Variants in ODF2L observed in about 807,000 individuals in gnomAD.
ODF2L encodes the protein protein BCAP.
ODF2L carries 76 observed loss-of-function variants against 86.3 expected under a neutral mutation model. That is an observed-to-expected ratio of 0.88 (90% CI 0.73 to 1.07). The LOEUF (loss-of-function observed/expected upper bound fraction) is 1.07. ODF2L is among the 50% of genes least tolerant of loss of function. The probability of loss-of-function intolerance (pLI) is 0.00; values close to 1 mark genes in which losing one functional copy is unlikely to be tolerated. For missense variants in ODF2L, 748 were observed against 717.4 expected, an observed-to-expected ratio of 1.04 and a Z score of -0.49; for synonymous variants, 241 against 231.3, an observed-to-expected ratio of 1.04 and a Z score of -0.38.
chr1:86,375,165 T>G (rs1197816647), intron 8 of ODF2L, among the ~76,000 whole-genome samples: 1 of 151,898 alleles, frequency 6.6e-6, no homozygotes, highest in African/African-American at 2.4e-5. Context: ...GATACCTGAA[T>G]GATTAAAAAA....
chr1:86,348,985 T>G (rs1161915806), downstream of ODF2L: 5 of 1,214,618 alleles, frequency 4.1e-6, no homozygotes, highest in Admixed American at 1.1e-4. Context: ...TAATTCTTTT[T>G]GATTTTTTAA....
At chr1:86,390,145 G>A (rs574604442) in intron 1 of ODF2L, among the ~76,000 whole-genome samples, 12 of 152,214 alleles carry the variant, frequency 7.9e-5, no homozygotes, top group Non-Finnish European at 1.5e-4. Flanking sequence ...TTAAAAGGCC[G>A]GGCGTGGTGG....
intron 13 of ODF2L, chr1:86,358,139 T>G: frequency 1.0e-6 from 1 of 970,114 alleles, no homozygotes; most frequent in Non-Finnish European, 1.2e-6. Context: ...AGAGTAACCT[T>G]ATTAGATTCA....
chr1:86,359,739 G>C (rs1233802195), intron 12 of ODF2L, among the ~76,000 whole-genome samples: 1 of 152,014 alleles, frequency 6.6e-6, no homozygotes, highest in Non-Finnish European at 1.5e-5. Context: ...GGCCAGGCTA[G>C]TCTCGAACTC....
At chr1:86,377,979 G>A (rs1301490711) in intron 7 of ODF2L, among the ~76,000 whole-genome samples, 3 of 152,190 alleles carry the variant, frequency 2.0e-5, no homozygotes, top group Non-Finnish European at 4.4e-5. Context: ...GCATGGGCAG[G>A]CTGCAAATTT....
intron 11 of ODF2L, among the ~76,000 whole-genome samples, chr1:86,363,254 A>G (rs972676843): frequency 2.6e-5 from 4 of 152,210 alleles, no homozygotes; most frequent in Non-Finnish European, 5.9e-5. Context: ...CATTTTGGAC[A>G]TGACAACTTT....
intron 16 of ODF2L, 53 bp downstream of exon 15, chr1:86,354,477 G>A: frequency 8.4e-7 from 1 of 1,187,634 alleles, no homozygotes. Context: ...TGTTTAAAAA[G>A]ATGACTCTTT....
chr1:86,380,340 T>C (rs1353404622), intron 7 of ODF2L, among the ~76,000 whole-genome samples: 1 of 152,104 alleles, frequency 6.6e-6, no homozygotes, highest in Non-Finnish European at 1.5e-5. Flanking sequence ...CTTAAATTGT[T>C]TTTAAAAAAC....
chr1:86,387,121 TAG>T (rs1181361061), intron 1 of ODF2L, 35 bp from the exon 2 acceptor site: 4 of 581,392 alleles, frequency 6.9e-6, no homozygotes, highest in Non-Finnish European at 8.7e-6. Flanking sequence ...TTTATTTCAA[TAG>T]AGTTTTTTTG....
chr1:86,365,325 T>C (rs1659325177), intron 11 of ODF2L, among the ~76,000 whole-genome samples: 1 of 152,210 alleles, frequency 6.6e-6, no homozygotes, highest in African/African-American at 2.4e-5. Flanking sequence ...CAGAGTCATT[T>C]ACTAAATGAC....
chr1:86,365,442 C>A (rs538422541), intron 11 of ODF2L, among the ~76,000 whole-genome samples: 1 of 151,856 alleles, frequency 6.6e-6, no homozygotes, highest in South Asian at 2.1e-4. Flanking sequence ...CAGAGGGAGA[C>A]AAATTATACA....
chr1:86,391,549 A>T (rs1661330101), intron 1 of ODF2L, among the ~76,000 whole-genome samples: 1 of 152,206 alleles, frequency 6.6e-6, no homozygotes, highest in Non-Finnish European at 1.5e-5. Flanking sequence ...GATATTTGAC[A>T]AAGCAAGCAA....
intron 3 of ODF2L, among the ~76,000 whole-genome samples, chr1:86,385,041 A>G (rs563139569): frequency 5.9e-5 from 9 of 151,948 alleles, no homozygotes; most frequent in Non-Finnish European, 1.3e-4. Flanking sequence ...TTATTCAAAT[A>G]AAAGTTATAG....
At chr1:86,358,994 T>G in intron 12 of ODF2L, 103 bp from the exon 12 acceptor site, 2 of 585,594 alleles carry the variant, frequency 3.4e-6, no homozygotes, top group Non-Finnish European at 5.9e-6. Flanking sequence ...TATTTTCCTA[T>G]CAATATCCTT....
chr1:86,359,279 A>G (rs186622737), intron 12 of ODF2L, among the ~76,000 whole-genome samples: 80 of 152,236 alleles, frequency 5.3e-4, no homozygotes, highest in Non-Finnish European at 9.0e-4. Flanking sequence ...TGCACCCAGA[A>G]TATGGTCACT....
At chr1:86,349,497 G>A (rs1657983081), downstream of ODF2L, 1 of 152,094 alleles carries the variant, frequency 6.6e-6, no homozygotes, top group Non-Finnish European at 1.5e-5. Context: ...ATAGAAAAGA[G>A]AGAACTTTTA....
chr1:86,352,988 T>A lies in ODF2L; in HGVS notation c.1768-4A>T. ...TTTTCTCTATTTCTTCAGCAACCTG[T>A]AATTTTTATCAAAAGAGTAAAATAA... On this transcript the variant is annotated splice_region_variant and splice_polypyrimidine_tract_variant and intron_variant, in intron 16 of 17. Transcript: ENST00000317336. The A allele has an allele frequency of 1.3e-6, 2 of 1,499,140 alleles. No homozygotes were observed. Among genetic ancestry groups the A allele is most frequent in the Non-Finnish European group, 1.8e-6 (2 of 1,091,832 alleles). The allele number at this position is 1,499,140 out of a possible 1,614,324, so 92.9% of individuals were successfully genotyped here. A position where few individuals can be genotyped will look rare whatever the true frequency, so the allele number is the denominator to read the frequency against.
At chr1:86,352,516 T>C (rs964360004) in intron 17 of ODF2L, among the ~76,000 whole-genome samples, 5 of 152,200 alleles carry the variant, frequency 3.3e-5, no homozygotes, top group Non-Finnish European at 5.9e-5. Context: ...CTTGTAATAA[T>C]AGTTTACACT....
chr1:86,371,686 ATT>A (rs1209488124), intron 9 of ODF2L, among the ~76,000 whole-genome samples: 1 of 152,062 alleles, frequency 6.6e-6, no homozygotes, highest in Non-Finnish European at 1.5e-5. Flanking sequence ...TTTATTTTTC[ATT>A]TTCTTTGTTA....
Sources: allele counts gnomAD v4.1 joint callset (sites outside exome capture counted in the v4.1 genomes callset), GRCh38; gene constraint gnomAD v4.1.1; transcripts MANE v1.5; gene names NCBI Gene and HGNC (gene_info 2026-07-23, HGNC 2026-07-21).